Variants in NOL4 observed in about 807,000 individuals in gnomAD.
NOL4 encodes nucleolar protein 4.
Under a neutral mutation model 75.9 loss-of-function variants are expected in NOL4, and 17 were observed. The observed-to-expected ratio is 0.22, with a 90% CI of 0.15 to 0.34. The LOEUF is 0.34. Ranked by LOEUF, NOL4 falls within the 10% of genes least tolerant of loss-of-function variation. NOL4 has a pLI of 1.00. For missense variants in NOL4, 614 were observed against 793.5 expected, an observed-to-expected ratio of 0.77 and a Z score of 2.72; for synonymous variants, 292 against 289.9, an observed-to-expected ratio of 1.01 and a Z score of -0.07.
At chr18:33,988,504 C>T (rs1051999296) in intron 6 of NOL4, among the ~76,000 whole-genome samples, 1 of 152,046 alleles carries the variant, frequency 6.6e-6, no homozygotes, top group Non-Finnish European at 1.5e-5. Flanking sequence ...GTGGGGGCAG[C>T]TCCTCTTTCA....
chr18:33,957,138 A>G (rs558796785), intron 8 of NOL4, among the ~76,000 whole-genome samples, 188 bp downstream of exon 8: 2 of 152,256 alleles, frequency 1.3e-5, no homozygotes, highest in South Asian at 4.1e-4. Flanking sequence ...TTAAATAAAC[A>G]AAGAGAATAA....
At chr18:33,967,917 C>T (rs2070737163) in intron 6 of NOL4, among the ~76,000 whole-genome samples, 1 of 151,936 alleles carries the variant, frequency 6.6e-6, no homozygotes, top group East Asian at 1.9e-4. Flanking sequence ...GAAACCCTGT[C>T]TCTACTAAAA....
intron 1 of NOL4, among the ~76,000 whole-genome samples, chr18:34,142,620 G>T (rs984419130): frequency 6.6e-6 from 1 of 152,066 alleles, no homozygotes; most frequent in African/African-American, 2.4e-5. Flanking sequence ...TCATAGATGG[G>T]AATTGAACAA....
At chr18:34,003,383 C>T (rs920589068) in intron 6 of NOL4, among the ~76,000 whole-genome samples, 5 of 151,990 alleles carry the variant, frequency 3.3e-5, no homozygotes, top group Admixed American at 6.6e-5. Flanking sequence ...TGTGGCATAT[C>T]GTACACCCTG....
chr18:33,887,067 A>AAT lies in NOL4; in HGVS notation c.1543-3645_1543-3644dup, dbSNP rs1171445416. On this transcript the variant is annotated intron_variant, in intron 9 of 10. Coordinates refer to ENST00000261592, the MANE Select transcript of NOL4 (RefSeq NM_003787.5). ...CTAGATCTAATATATATCTATATAT[A>AAT]ATATATATATCTATATATATTAGAT... 3.6e-5 allele frequency among the ~76,000 whole-genome samples: 5 copies of AAT among 140,130 alleles called. No homozygotes were observed. In the East Asian group the frequency reaches 1.0e-3, roughly 28 times the overall value. 91.9% of individuals were successfully genotyped at this position (140,130 alleles called of 152,430 possible).
At chr18:33,899,200 G>A (rs565332772) in intron 9 of NOL4, among the ~76,000 whole-genome samples, 10 of 152,216 alleles carry the variant, frequency 6.6e-5, no homozygotes, top group African/African-American at 2.2e-4. Flanking sequence ...AAATGGAGAC[G>A]TTTCATGGCC....
chr18:34,029,764 C>T (rs746928404), intron 5 of NOL4, among the ~76,000 whole-genome samples: 26 of 152,122 alleles, frequency 1.7e-4, no homozygotes, highest in East Asian at 1.5e-3. Context: ...AATGTTTAGA[C>T]GCTTTGTAGT....
At chr18:34,198,532 G>C (rs564445229) in intron 1 of NOL4, among the ~76,000 whole-genome samples, 1 of 151,514 alleles carries the variant, frequency 6.6e-6, no homozygotes, top group Non-Finnish European at 1.5e-5. Flanking sequence ...TTTAAATTAA[G>C]AATTCAAATT....
At chr18:33,856,377 T>C (rs1380909139) in intron 10 of NOL4, among the ~76,000 whole-genome samples, 1 of 152,076 alleles carries the variant, frequency 6.6e-6, no homozygotes, top group Non-Finnish European at 1.5e-5. Flanking sequence ...ATAAAAGTCA[T>C]ATAAAATTAT....
At chr18:33,968,460 T>A (rs138085416) in intron 6 of NOL4, among the ~76,000 whole-genome samples, 1 of 152,174 alleles carries the variant, frequency 6.6e-6, no homozygotes, top group African/African-American at 2.4e-5. Flanking sequence ...CATAAAATAA[T>A]GAAATCATGC....
chr18:33,987,399 T>G (rs574852960), intron 6 of NOL4, among the ~76,000 whole-genome samples: 1 of 152,150 alleles, frequency 6.6e-6, no homozygotes, highest in East Asian at 1.9e-4. Context: ...CTTCTAGGAA[T>G]GACATGGGGA....
chr18:34,192,552 A>G (rs1372536960), intron 1 of NOL4, among the ~76,000 whole-genome samples: 2 of 152,336 alleles, frequency 1.3e-5, no homozygotes, highest in Non-Finnish European at 2.9e-5. Flanking sequence ...CCAAAAGTAA[A>G]TTCACACATT....
At chr18:34,168,495 G>T (rs1422413578) in intron 1 of NOL4, among the ~76,000 whole-genome samples, 3 of 151,124 alleles carry the variant, frequency 2.0e-5, no homozygotes, top group Admixed American at 1.3e-4. Flanking sequence ...AAGAAAGTAG[G>T]GGGAAGAAAA....
intron 5 of NOL4, among the ~76,000 whole-genome samples, chr18:34,050,931 T>C (rs1252344810): frequency 1.3e-5 from 2 of 152,070 alleles, no homozygotes; most frequent in South Asian, 2.1e-4. Flanking sequence ...ATGGAAAGGC[T>C]TGGATACAGC....
In NOL4 at chr18:33,881,868, T is replaced by C. The variant is rs11664229; in HGVS notation, c.1723+1376A>G. Among the ~76,000 whole-genome samples, 860 of 151,994 alleles carry C rather than the reference T, an allele frequency of 5.7e-3. 2 individuals carry two copies. The highest frequency in any genetic ancestry group is 9.9e-3 in the Non-Finnish European group (675 of 67,936). On this transcript the variant is annotated intron_variant, in intron 10 of 10. Transcript: ENST00000261592. ...GTACCAAAACAGAGATATAGATCAA[T>C]GGAACAGAACAGAGCCCTCAGAAAT...
intron 8 of NOL4, among the ~76,000 whole-genome samples, chr18:33,945,831 G>A (rs2068797756): frequency 6.6e-6 from 1 of 151,580 alleles, no homozygotes; most frequent in Non-Finnish European, 1.5e-5. Context: ...ACTCTCAATG[G>A]CCATAGAAGT....
chr18:34,010,762 C>T (rs2074325284), intron 6 of NOL4, among the ~76,000 whole-genome samples: 1 of 151,702 alleles, frequency 6.6e-6, no homozygotes, highest in African/African-American at 2.4e-5. Context: ...CGGGTGAGAT[C>T]ACATCTCATA....
chr18:34,030,465 G>A (rs2144646371), intron 5 of NOL4, among the ~76,000 whole-genome samples: 1 of 152,302 alleles, frequency 6.6e-6, no homozygotes, highest in East Asian at 1.9e-4. Context: ...AGAAAGGAAG[G>A]AAAGGAGGAA....
chr18:34,104,924 G>T, intron 3 of NOL4, 125 bp downstream of exon 3: 1 of 577,552 alleles, frequency 1.7e-6, no homozygotes, highest in South Asian at 2.3e-5. Context: ...CCTCCTACTT[G>T]AATAAATGAG....
Sources: gnomAD v4.1 joint callset for allele counts (sites outside exome capture counted in the v4.1 genomes callset) on GRCh38, gnomAD v4.1.1 for gene constraint, MANE v1.5 for transcripts, NCBI Gene and HGNC (gene_info 2026-07-23, HGNC 2026-07-21) for gene names.